The following SASH1 variants were observed in gnomAD, a reference collection of about 807,000 sequenced individuals.
The protein encoded by SASH1 is SAM and SH3 domain containing 1, also known as SAM and SH3 domain-containing protein 1.
SASH1 carries 44 observed loss-of-function variants against 125.2 expected under a neutral mutation model. The observed-to-expected ratio is 0.35, with a 90% CI of 0.28 to 0.45. The LOEUF is 0.45. SASH1 is among the 20% of genes least tolerant of loss of function. The pLI, the probability that SASH1 is intolerant of heterozygous loss-of-function variation, is 1.00. For synonymous variants in SASH1, 639 were observed against 649.1 expected, an observed-to-expected ratio of 0.98 and a Z score of 0.24; for missense variants, 1,426 against 1,614.5, an observed-to-expected ratio of 0.88 and a Z score of 2.00.
intron 1 of SASH1, among the ~76,000 whole-genome samples, chr6:148,275,697 G>A (rs530364271): frequency 2.6e-5 from 4 of 152,212 alleles, no homozygotes; most frequent in Middle Eastern, 3.4e-3. Context: ...TAAAAGTACC[G>A]CTATGTATTT....
chr6:148,321,222 T>C (rs546442890), intron 1 of SASH1, among the ~76,000 whole-genome samples: 69 of 130,876 alleles, frequency 5.3e-4, no homozygotes, highest in African/African-American at 1.8e-3. Context: ...TGAAACACCA[T>C]CTCTACTAAA....
At chr6:148,194,749 T>C in the SASH1 span, among the ~76,000 whole-genome samples, 1 of 152,090 alleles carries the variant, frequency 6.6e-6, no homozygotes, top group African/African-American at 2.4e-5. Flanking sequence ...CTACTAAAAA[T>C]ACTAAAAATT....
At chr6:148,394,232 T>G (rs955179186) in intron 2 of SASH1, among the ~76,000 whole-genome samples, 2 of 152,034 alleles carry the variant, frequency 1.3e-5, no homozygotes, top group African/African-American at 4.8e-5. Flanking sequence ...CAAGTTGCAG[T>G]GGAAAAGGGA....
chr6:148,225,453 TAAGTA>T, the SASH1 span, among the ~76,000 whole-genome samples: 5 of 152,304 alleles, frequency 3.3e-5, no homozygotes, highest in Non-Finnish European at 5.9e-5. Context: ...GCCATTTTTC[TAAGTA>T]AAGTAACTCA....
the SASH1 span, among the ~76,000 whole-genome samples, chr6:148,201,717 G>C: frequency 2.0e-5 from 3 of 152,158 alleles, no homozygotes; most frequent in African/African-American, 7.2e-5. Flanking sequence ...GAGGGTGTTC[G>C]TGATACCAAG....
chr6:148,388,375 G>C (rs1343039313), intron 1 of SASH1, among the ~76,000 whole-genome samples: 1 of 152,200 alleles, frequency 6.6e-6, no homozygotes, highest in African/African-American at 2.4e-5. Context: ...ATTTTGAAGA[G>C]GAGGGGGTCT....
At chr6:148,483,376 A>G (rs1342408265) in intron 7 of SASH1, among the ~76,000 whole-genome samples, 7 of 152,186 alleles carry the variant, frequency 4.6e-5, no homozygotes, top group Admixed American at 1.3e-4. Context: ...CATGGCCCCA[A>G]ACACCTCTCT....
At chr6:148,486,512 A>C (rs1285028992) in intron 7 of SASH1, among the ~76,000 whole-genome samples, 1 of 152,290 alleles carries the variant, frequency 6.6e-6, no homozygotes, top group South Asian at 2.1e-4. Context: ...AGATCTCAAT[A>C]GAGAGACCAT....
intron 8 of SASH1, chr6:148,513,468 T>C: frequency 3.0e-6 from 3 of 985,454 alleles, no homozygotes; most frequent in Non-Finnish European, 2.4e-6. Flanking sequence ...ATATTGGATG[T>C]TGGAGCTGAC....
rs368172734 is a variant in SASH1, at chr6:148,370,551, C to T, written c.157-19583C>T. Among the ~76,000 whole-genome samples, 26 of 152,194 alleles carry T rather than the reference C, an allele frequency of 1.7e-4. No homozygotes were observed. The East Asian group carries it at 4.8e-3, about 28-fold the overall frequency. On this transcript the variant is annotated intron_variant, in intron 1 of 19. Coordinates refer to ENST00000367467, the MANE Select transcript of SASH1 (RefSeq NM_015278.5). ...AAATATATTCTGACCTGGCCAGGTG[C>T]GGTGGCTCACGCCTGTAATCCCAGC...
the SASH1 span, among the ~76,000 whole-genome samples, chr6:148,213,785 T>A: frequency 6.6e-6 from 1 of 152,146 alleles, no homozygotes; most frequent in African/African-American, 2.4e-5. Context: ...CTTTTCATCA[T>A]CTGCAATACT....
chr6:148,262,511 C>A, the SASH1 span, among the ~76,000 whole-genome samples: 2 of 152,162 alleles, frequency 1.3e-5, no homozygotes, highest in African/African-American at 4.8e-5. Flanking sequence ...AACTGCAGGA[C>A]CTGCAGCTAC....
the SASH1 span, among the ~76,000 whole-genome samples, chr6:148,259,808 C>G: frequency 6.6e-5 from 10 of 152,158 alleles, no homozygotes; most frequent in Non-Finnish European, 1.5e-5. Flanking sequence ...GGGATCATAA[C>G]CTCTTTTTAA....
chr6:148,328,324 C>A (rs1050711176), intron 1 of SASH1, among the ~76,000 whole-genome samples: 1 of 152,000 alleles, frequency 6.6e-6, no homozygotes, highest in African/African-American at 2.4e-5. Flanking sequence ...TGAGGCCGGG[C>A]GCGGTGGCTC....
rs1208776523 is a variant in SASH1, at chr6:148,532,603, T to C, written c.1565-194T>C. On this transcript the variant is annotated intron_variant, in intron 13 of 19. Coordinates refer to ENST00000367467, the MANE Select transcript of SASH1 (RefSeq NM_015278.5). This position sits in a 1 kb window ranked among gnomAD's most constrained non-coding sequence, Gnocchi z 4.7. Reference sequence around the variant, plus strand: ...AGGGTAACTTGCTGTGAGTCCCCTGTCCACTGAGGAGCTGAGGGATAGCAC... The same window carrying C: ...AGGGTAACTTGCTGTGAGTCCCCTGCCCACTGAGGAGCTGAGGGATAGCAC... 1.3e-5 allele frequency among the ~76,000 whole-genome samples: 2 copies of C among 152,162 alleles called. No individual in the cohort carries two copies. The highest frequency in any genetic ancestry group is 2.9e-5 in the Non-Finnish European group (2 of 68,022).
In SASH1 at chr6:148,449,067, TCATTTCATTTC is replaced by T. The variant is rs1158410223; in HGVS notation, c.386+8661_386+8671del. ...ATAGAATACCCGAGACTGGCTAATTTCATTTCATTTCTTTTTTTTTTTTTTTGGAGACAGAG... is the reference window on the plus strand; with the variant it reads ...ATAGAATACCCGAGACTGGCTAATTTTTTTTTTTTTTTTTTGGAGACAGAG... On this transcript the variant is annotated intron_variant, in intron 4 of 19. Transcript: ENST00000367467. Among the ~76,000 whole-genome samples, 619 of 116,784 alleles carry T rather than the reference TCATTTCATTTC, an allele frequency of 5.3e-3. 3 individuals carry two copies. Among genetic ancestry groups the T allele is most frequent in the Non-Finnish European group, 8.6e-3 (494 of 57,460 alleles). 76.6% of individuals were successfully genotyped at this position (116,784 alleles called of 152,430 possible).
At position 148,474,122 on chromosome 6, in the gene SASH1, G is replaced by T; in HGVS notation, c.527G>T (p.Gly176Val). 6.2e-7 allele frequency: 1 copy of T among 1,610,240 alleles called. No individual in the cohort carries two copies. Among genetic ancestry groups the T allele is most frequent in the African/African-American group, 1.3e-5 (1 of 74,970 alleles). Reference protein sequence around the residue: ...MRQTSKGEDVGYVASEITMSD... With the variant: ...MRQTSKGEDVVYVASEITMSD... ...CCTCAATCTCCAGGAGAAGACGTTG[G>T]TTATGTTGCCAGTGAAATAACGATG... is the stretch of plus-strand genomic sequence containing the variant. The change falls in exon 7 of 20, where the codon GGT (glycine) becomes GTT (valine). Residue 176 changes from glycine to valine, a missense_variant. Gly to Val is a moderately radical substitution (Grantham distance 109). Coordinates refer to ENST00000367467, the MANE Select transcript of SASH1 (RefSeq NM_015278.5).
At chr6:148,325,943 C>T (rs1215136671) in intron 1 of SASH1, among the ~76,000 whole-genome samples, 2 of 151,882 alleles carry the variant, frequency 1.3e-5, no homozygotes, top group African/African-American at 4.8e-5. Context: ...AGGTTAGGTT[C>T]CTTATGGCCA....
At chr6:148,422,061 C>T (rs1300195056) in intron 2 of SASH1, among the ~76,000 whole-genome samples, 1 of 152,172 alleles carries the variant, frequency 6.6e-6, no homozygotes, top group Non-Finnish European at 1.5e-5. Context: ...AGGCCCTCCT[C>T]TTGGTATAGA....
Sources: gnomAD v4.1 joint callset for allele counts (sites outside exome capture counted in the v4.1 genomes callset) on GRCh38, gnomAD v4.1.1 for gene constraint, Gnocchi (gnomAD v3.1) non-coding constraint, MANE v1.5 for transcripts, NCBI Gene and HGNC (gene_info 2026-07-23, HGNC 2026-07-21) for gene names.